Variants in POLR2B observed in about 807,000 individuals in gnomAD.
POLR2B encodes DNA-directed RNA polymerase II subunit RPB2.
Under a neutral mutation model 144.6 loss-of-function variants are expected in POLR2B, and 57 were observed. The observed-to-expected ratio is 0.39, with a 90% CI of 0.32 to 0.49. POLR2B has a LOEUF of 0.49. POLR2B is among the 20% of genes least tolerant of loss of function. The probability of loss-of-function intolerance (pLI) is 0.83; values close to 1 mark genes in which losing one functional copy is unlikely to be tolerated. For missense variants in POLR2B, 595 were observed against 1,467.4 expected, an observed-to-expected ratio of 0.41 and a Z score of 9.71; for synonymous variants, 442 against 469.8, an observed-to-expected ratio of 0.94 and a Z score of 0.77.
chr4:57,004,020 C>CTTTTT (rs138828073), intron 7 of POLR2B, among the ~76,000 whole-genome samples: 9 of 72,334 alleles, frequency 1.2e-4, no homozygotes, highest in Non-Finnish European at 1.4e-4. Flanking sequence ...TAAATTAAAT[C>CTTTTT]TTTTTTTTTT....
chr4:57,007,640 C>T (rs1723064250), intron 10 of POLR2B, among the ~76,000 whole-genome samples: 3 of 152,166 alleles, frequency 2.0e-5, no homozygotes, highest in Admixed American at 1.3e-4. Flanking sequence ...TAAAAATGGT[C>T]ATCGCCCTCC....
intron 16 of POLR2B, among the ~76,000 whole-genome samples, chr4:57,018,163 G>A (rs1364312261): frequency 6.6e-6 from 1 of 152,138 alleles, no homozygotes; most frequent in East Asian, 1.9e-4. Context: ...TGTGGAGAGA[G>A]CTTGAACAGG....
At chr4:56,988,630 G>T (rs1349714856) in intron 2 of POLR2B, among the ~76,000 whole-genome samples, 1 of 152,056 alleles carries the variant, frequency 6.6e-6, no homozygotes, top group African/African-American at 2.4e-5. Context: ...AATATCTTTT[G>T]CCACCTATAG....
intron 13 of POLR2B, among the ~76,000 whole-genome samples, chr4:57,012,567 C>T (rs999326468): frequency 1.2e-4 from 18 of 152,176 alleles, no homozygotes; most frequent in African/African-American, 4.3e-4. Flanking sequence ...AAACTGAACA[C>T]GCTTAGCCAG....
At chr4:56,979,257 G>C (rs1347405897) in intron 1 of POLR2B, among the ~76,000 whole-genome samples, 1 of 152,146 alleles carries the variant, frequency 6.6e-6, no homozygotes. Flanking sequence ...TCTGATCCTC[G>C]TTTCCTGTGG....
At chr4:56,998,484 C>T (rs1313006771) in intron 6 of POLR2B, among the ~76,000 whole-genome samples, 2 of 152,120 alleles carry the variant, frequency 1.3e-5, no homozygotes, top group Non-Finnish European at 2.9e-5. Flanking sequence ...GGCATGTGAG[C>T]CACTGTGCCC....
chr4:56,991,140 T>A (rs1030749081), intron 3 of POLR2B, among the ~76,000 whole-genome samples: 1 of 152,160 alleles, frequency 6.6e-6, no homozygotes, highest in Non-Finnish European at 1.5e-5. Context: ...CTCTGAAATA[T>A]GAACAAATAA....
In POLR2B at chr4:56,978,956, GAGTT is replaced by G. The variant is rs1179411403; in HGVS notation, c.-27_-24del. The stretch of plus-strand genomic sequence containing the variant: ...GGCGGTTTTTGTCTTTTGATTTCAA[GAGTT>G]AGGAGCTCGAGAACCGTTTGGCAAT... On this transcript the variant is annotated 5_prime_UTR_variant, in exon 1 of 25. Coordinates refer to ENST00000314595, the MANE Select transcript of POLR2B (RefSeq NM_000938.3). 7 of 1,612,444 alleles carry G rather than the reference GAGTT, an allele frequency of 4.3e-6. No homozygotes were observed. Among genetic ancestry groups the G allele is most frequent in the Non-Finnish European group, 5.1e-6 (6 of 1,178,708 alleles).
Position 57,023,318 on chromosome 4 carries a change from A to G in POLR2B, c.2516-12A>G, listed in dbSNP as rs752565215. On this transcript the variant is annotated splice_polypyrimidine_tract_variant and intron_variant, in intron 18 of 24. Transcript: ENST00000314595. The surrounding 1 kb of genome is among the most constrained non-coding windows in gnomAD (Gnocchi z 4.3). ...GGGGATTATGTGACATTCCGTGTCT[A>G]TTTCCTCACAGGCATGAGGCATGCC... 1.2e-5 allele frequency: 19 copies of G among 1,613,190 alleles called. No individual in the cohort carries two copies. The highest frequency in any genetic ancestry group is 2.2e-5 in the South Asian group (2 of 91,016).
chr4:56,986,151 A>G (rs532435862), intron 1 of POLR2B: 41 of 566,678 alleles, frequency 7.2e-5, no homozygotes, highest in Non-Finnish European at 1.2e-4. Context: ...TTTCTAATAA[A>G]CCTCTTTTTA....
intron 24 of POLR2B, 126 bp from the exon 25 acceptor site, chr4:57,030,773 T>C (rs139042835): frequency 1.6e-5 from 10 of 634,582 alleles, no homozygotes; most frequent in Non-Finnish European, 2.6e-5. Flanking sequence ...GGTAGCAGAA[T>C]GTGTGTTCTC....
At chr4:56,981,970 T>G (rs1344867191) in intron 1 of POLR2B, among the ~76,000 whole-genome samples, 1 of 152,236 alleles carries the variant, frequency 6.6e-6, no homozygotes, top group Non-Finnish European at 1.5e-5. Flanking sequence ...GGAAACTCAC[T>G]CAGCTTTCTA....
At chr4:56,996,015 A>G in intron 6 of POLR2B, among the ~76,000 whole-genome samples, 1 of 152,124 alleles carries the variant, frequency 6.6e-6, no homozygotes, top group Non-Finnish European at 1.5e-5. Context: ...GGGCAATAGT[A>G]GGAGGCAGGA....
At chr4:57,002,869 A>G (rs895501772) in intron 7 of POLR2B, 2 of 152,104 alleles carry the variant, frequency 1.3e-5, no homozygotes, top group East Asian at 1.9e-4. Context: ...TGATAAAAAG[A>G]CATAGGAAAT....
chr4:57,008,360 G>A (rs550973123), intron 10 of POLR2B, among the ~76,000 whole-genome samples: 3 of 152,190 alleles, frequency 2.0e-5, no homozygotes, highest in Admixed American at 1.3e-4. Context: ...CCGCCACCAC[G>A]CCTGGCTAAT....
intron 7 of POLR2B, chr4:57,002,732 A>T (rs562152604): frequency 1.3e-5 from 2 of 152,196 alleles, no homozygotes; most frequent in Admixed American, 6.5e-5. Context: ...CTGGAACAAT[A>T]TGTAGGTTAG....
intron 23 of POLR2B, among the ~76,000 whole-genome samples, chr4:57,029,086 G>T (rs1335833442): frequency 6.6e-6 from 1 of 151,952 alleles, no homozygotes; most frequent in Non-Finnish European, 1.5e-5. Context: ...TTGTTTGTTT[G>T]TTTTTTGTTT....
intron 16 of POLR2B, among the ~76,000 whole-genome samples, chr4:57,020,040 A>G (rs757353468): frequency 2.6e-5 from 4 of 151,806 alleles, no homozygotes; most frequent in Non-Finnish European, 5.9e-5. Context: ...AAGTTATTTT[A>G]TTTTATTTTT....
Position 57,022,144 on chromosome 4 carries a change from G to T in POLR2B, c.2421-8G>T. ...ATAGACTTTACCTTTAGAACCATGT[G>T]TTTTTAGGTCTGTTTTCTATCGCTC... On this transcript the variant is annotated splice_polypyrimidine_tract_variant and splice_region_variant and intron_variant, in intron 17 of 24. Coordinates refer to ENST00000314595, the MANE Select transcript of POLR2B (RefSeq NM_000938.3). 1 of 1,553,622 alleles carries T rather than the reference G, an allele frequency of 6.4e-7. No individual in the cohort carries two copies. The highest frequency in any genetic ancestry group is 1.4e-5 in the African/African-American group (1 of 73,512).
Sources: gnomAD v4.1 joint callset for allele counts (sites outside exome capture counted in the v4.1 genomes callset) on GRCh38, gnomAD v4.1.1 for gene constraint, Gnocchi (gnomAD v3.1) non-coding constraint, MANE v1.5 for transcripts, NCBI Gene and HGNC (gene_info 2026-07-23, HGNC 2026-07-21) for gene names.